GABRG3: variants seen among roughly 807,000 people sequenced by gnomAD.
GABRG3 encodes the protein gamma-aminobutyric acid type A receptor subunit gamma3.
GABRG3 carries 25 observed loss-of-function variants against 48.8 expected under a neutral mutation model. The ratio of observed to expected loss-of-function variants is 0.51; its 90% CI spans 0.37 to 0.72. The LOEUF (loss-of-function observed/expected upper bound fraction) is 0.72, where lower values mean the gene tolerates loss of function less well. Among genes scored for constraint, GABRG3 ranks in the 30% least tolerant of loss-of-function variants. The pLI is 0.00. For missense variants in GABRG3, 394 were observed against 577.9 expected (o/e 0.68, Z 3.26); for synonymous variants, 227 against 217.6 (o/e 1.04, Z -0.38).
intron 3 of GABRG3, among the ~76,000 whole-genome samples, chr15:27,225,528 T>C (rs1889585096): frequency 6.6e-6 from 1 of 152,168 alleles, no homozygotes; most frequent in Admixed American, 6.5e-5. Flanking sequence ...CATTCCTGTC[T>C]GAAGAAGAAT....
chr15:27,474,759 C>T (rs1308215831), intron 5 of GABRG3, among the ~76,000 whole-genome samples: 2 of 152,148 alleles, frequency 1.3e-5, no homozygotes, highest in Non-Finnish European at 2.9e-5. Flanking sequence ...TGAAACATTA[C>T]CTGTATTTCC....
rs1028064535 is a variant in GABRG3, at chr15:26,974,858, A to G, written c.54-2144A>G. ...ATTTTTTAAATTTATTATTATTATT[A>G]TTATTATTATTATTATTATTATTAT... On this transcript the variant is annotated intron_variant, in intron 1 of 9. Coordinates refer to ENST00000615808, the MANE Select transcript of GABRG3 (RefSeq NM_033223.5). This position sits in a 1 kb window ranked among gnomAD's most constrained non-coding sequence, Gnocchi z 4.3. 1.4e-5 allele frequency among the ~76,000 whole-genome samples: 2 copies of G among 141,574 alleles called. No homozygotes were observed. The highest frequency in any genetic ancestry group is 5.5e-5 in the African/African-American group (2 of 36,294). 92.9% of individuals were successfully genotyped at this position (141,574 alleles called of 152,430 possible).
intron 2 of GABRG3, among the ~76,000 whole-genome samples, chr15:27,003,642 A>G (rs1369829325): frequency 1.3e-5 from 2 of 152,200 alleles, no homozygotes; most frequent in Admixed American, 1.3e-4. Context: ...AGACATGGCA[A>G]CCATCCGATT....
At chr15:27,217,562 A>G (rs1443388941) in intron 3 of GABRG3, among the ~76,000 whole-genome samples, 3 of 152,202 alleles carry the variant, frequency 2.0e-5, no homozygotes. Flanking sequence ...TGCCCAGCCC[A>G]GCAGGGAGCC....
chr15:27,406,321 A>G (rs1211223167), intron 5 of GABRG3, among the ~76,000 whole-genome samples: 1 of 152,126 alleles, frequency 6.6e-6, no homozygotes, highest in East Asian at 1.9e-4. Flanking sequence ...CCATTCCCAC[A>G]TGAGTGTGGG....
intron 2 of GABRG3, among the ~76,000 whole-genome samples, chr15:27,001,307 T>A (rs918091090): frequency 6.6e-6 from 1 of 152,240 alleles, no homozygotes; most frequent in African/African-American, 2.4e-5. Context: ...GAGTTTGATG[T>A]CACAAGCAAT....
At chr15:27,310,801 G>A (rs1892968432) in intron 3 of GABRG3, among the ~76,000 whole-genome samples, 1 of 152,096 alleles carries the variant, frequency 6.6e-6, no homozygotes, top group Non-Finnish European at 1.5e-5. Flanking sequence ...AAACTGATTA[G>A]AGTCTAGAAC....
intron 6 of GABRG3, among the ~76,000 whole-genome samples, chr15:27,515,084 A>T (rs556054308): frequency 3.5e-3 from 521 of 147,962 alleles, no homozygotes; most frequent in Non-Finnish European, 4.9e-3. Flanking sequence ...ATGTTTCTTA[A>T]TTTTTTTGTT....
intron 3 of GABRG3, among the ~76,000 whole-genome samples, chr15:27,086,332 A>G (rs1025057920): frequency 6.8e-6 from 1 of 146,028 alleles, no homozygotes; most frequent in Admixed American, 6.8e-5. Context: ...CTGCGCATTT[A>G]CAAAGGCAGC....
At chr15:27,486,932 A>G (rs967729591) in intron 6 of GABRG3, among the ~76,000 whole-genome samples, 4 of 152,234 alleles carry the variant, frequency 2.6e-5, no homozygotes, top group Non-Finnish European at 5.9e-5. Flanking sequence ...AGTGAGATTT[A>G]TATCTTGAAT....
At chr15:27,345,548 T>G (rs1336165018) in intron 5 of GABRG3, among the ~76,000 whole-genome samples, 3 of 152,220 alleles carry the variant, frequency 2.0e-5, no homozygotes, top group African/African-American at 7.2e-5. Context: ...AATCACACTG[T>G]TATAATTATT....
intron 5 of GABRG3, chr15:27,362,379 C>T (rs1029647499): frequency 5.3e-5 from 8 of 152,148 alleles, no homozygotes; most frequent in Non-Finnish European, 1.0e-4. Flanking sequence ...AGTATCCCAG[C>T]AAGATTTGTC....
chr15:27,115,715 A>G (rs1897629475), intron 3 of GABRG3, among the ~76,000 whole-genome samples: 1 of 152,198 alleles, frequency 6.6e-6, no homozygotes, highest in Non-Finnish European at 1.5e-5. Flanking sequence ...ATCTCAATAT[A>G]TATTCTAAAT....
At chr15:27,007,378 C>T (rs771231600) in intron 2 of GABRG3, among the ~76,000 whole-genome samples, 5 of 152,114 alleles carry the variant, frequency 3.3e-5, no homozygotes, top group Non-Finnish European at 7.4e-5. Context: ...GTGCCTGGCC[C>T]ACATGCATGT....
At chr15:27,207,948 G>A (rs1888912747) in intron 3 of GABRG3, 2 of 152,346 alleles carry the variant, frequency 1.3e-5, no homozygotes, top group East Asian at 1.9e-4. Flanking sequence ...GCTTCATGTA[G>A]GGAAGTGGCC....
At chr15:27,406,911 A>AT (rs1311311472) in intron 5 of GABRG3, among the ~76,000 whole-genome samples, 5 of 151,836 alleles carry the variant, frequency 3.3e-5, no homozygotes, top group South Asian at 2.1e-4. Flanking sequence ...TCTAAAGCAA[A>AT]TTTTTTTTCT....
chr15:27,308,175 T>TAC lies in GABRG3; in HGVS notation c.271-18633_271-18632insCA, dbSNP rs1892767429. Among the ~76,000 whole-genome samples, 2 of 89,340 alleles carry TAC rather than the reference T, an allele frequency of 2.2e-5. 1 individual carries two copies. Among genetic ancestry groups the TAC allele is most frequent in the Non-Finnish European group, 5.0e-5 (2 of 40,066 alleles). The allele number at this position is 89,340 out of a possible 152,430, so 58.6% of individuals were successfully genotyped here. On this transcript the variant is annotated intron_variant, in intron 3 of 9. Coordinates refer to ENST00000615808, the MANE Select transcript of GABRG3 (RefSeq NM_033223.5). ...AAACATATATAAACATATATGTTTA[T>TAC]ATATCCAAACATATATAAACATGTT...
chr15:27,279,651 T>C (rs1891369532), intron 3 of GABRG3, among the ~76,000 whole-genome samples: 1 of 152,198 alleles, frequency 6.6e-6, no homozygotes, highest in Non-Finnish European at 1.5e-5. Context: ...TACCACACGG[T>C]CTTGATTACT....
At chr15:27,329,667 T>A (rs2140520565) in intron 5 of GABRG3, among the ~76,000 whole-genome samples, 1 of 152,268 alleles carries the variant, frequency 6.6e-6, no homozygotes, top group East Asian at 1.9e-4. Flanking sequence ...CATTGTAAGA[T>A]GATTTAATTT....
Sources: allele counts gnomAD v4.1 joint callset (sites outside exome capture counted in the v4.1 genomes callset), GRCh38; gene constraint gnomAD v4.1.1; non-coding constraint Gnocchi (gnomAD v3.1); transcripts MANE v1.5; gene names NCBI Gene and HGNC (gene_info 2026-07-23, HGNC 2026-07-21).